The following ABL2 variants were observed in gnomAD, a reference collection of about 807,000 sequenced individuals.
ABL2 encodes ABL proto-oncogene 2, non-receptor tyrosine kinase.
In ABL2, 49 loss-of-function variants were observed where a neutral mutation model predicts 107.7. The ratio of observed to expected loss-of-function variants is 0.45; its 90% CI spans 0.36 to 0.58. ABL2 has a LOEUF of 0.58. ABL2 is among the 20% of genes least tolerant of loss of function. The pLI, the probability that ABL2 is intolerant of heterozygous loss-of-function variation, is 0.00. For missense variants in ABL2, 1,245 were observed against 1,457.0 expected (o/e 0.85, Z 2.37); for synonymous variants, 549 against 548.6 (o/e 1.00, Z -0.01).
rs750414973 is a variant in ABL2, at chr1:179,108,002, G to A, written c.3265C>T (p.Leu1089=). The change falls in exon 12 of 12, where the codon CTG becomes TTG. Residue 1089 remains leucine (L), a synonymous_variant. Coordinates refer to ENST00000502732, the MANE Select transcript of ABL2 (RefSeq NM_007314.4). ...GACAGTAGGTCAGCACATTCCAGCAGGGCCTCTTTGCTGATTTTGTCTGCT... is the reference window on the plus strand; with the variant it reads ...GACAGTAGGTCAGCACATTCCAGCAAGGCCTCTTTGCTGATTTTGTCTGCT... ...ISADKISKEA[L]LECADLLSSA... 2 of 1,614,120 alleles carry A rather than the reference G, an allele frequency of 1.2e-6. No homozygotes were observed. Among genetic ancestry groups the A allele is most frequent in the African/African-American group, 2.7e-5 (2 of 74,940 alleles).
At chr1:179,122,613 T>C (rs1470709559) in intron 4 of ABL2, among the ~76,000 whole-genome samples, 2 of 151,872 alleles carry the variant, frequency 1.3e-5, no homozygotes, top group Non-Finnish European at 2.9e-5. Flanking sequence ...CAAATATATA[T>C]ATACTCAAAT....
Position 179,131,376 on chromosome 1 carries a change from GGGT to G in ABL2, c.323_325del (p.Asp108_Pro109delinsAla). On this transcript the variant is annotated inframe_deletion, in exon 3 of 12. Transcript: ENST00000502732. ...ATCATAAAGTGCAACGAAGAGATTA[GGGT>G]CACTCTCAGTGGCTCCGAGCAAGTT... The G allele has an allele frequency of 6.2e-7, 1 of 1,614,166 alleles. No individual in the cohort carries two copies. Among genetic ancestry groups the G allele is most frequent in the East Asian group, 2.2e-5 (1 of 44,880 alleles).
At chr1:179,205,058 A>G (rs1807916) in intron 1 of ABL2, among the ~76,000 whole-genome samples, 65,022 of 146,580 alleles carry the variant, frequency 0.44, 14,514 homozygotes, top group Admixed American at 0.52. Flanking sequence ...ACTGAGTCTC[A>G]CTCTGTCGCC....
At chr1:179,147,197 A>AT (rs1410114842) in intron 1 of ABL2, among the ~76,000 whole-genome samples, 4 of 150,200 alleles carry the variant, frequency 2.7e-5, no homozygotes, top group African/African-American at 9.8e-5. Flanking sequence ...AAAAAAAAAA[A>AT]AAAAAAAAAA....
chr1:179,101,267 C>T lies in ABL2; in HGVS notation c.*6451G>A, dbSNP rs1225952951. ...TTGAATCATGACCTGCCACAGGCCTCCTTACCTGGGAAGAAGTATGGGATC... is the reference window on the plus strand; with the variant it reads ...TTGAATCATGACCTGCCACAGGCCTTCTTACCTGGGAAGAAGTATGGGATC... On this transcript the variant is annotated 3_prime_UTR_variant, in exon 12 of 12. Transcript: ENST00000502732. 1 of 221,142 alleles carries T rather than the reference C, an allele frequency of 4.5e-6. No individual in the cohort carries two copies. Among genetic ancestry groups the T allele is most frequent in the Non-Finnish European group, 9.0e-6 (1 of 110,562 alleles). 13.7% of individuals were successfully genotyped at this position (221,142 alleles called of 1,614,324 possible).
Position 179,225,434 on chromosome 1 carries a change from C to CACCT in ABL2, c.157+3803_157+3806dup, listed in dbSNP as rs1481507942. ...CAGTAATTTGTACACTAGATTCGAG[C>CACCT]ACCTACATTTACCATGTAAAGGTCA... On this transcript the variant is annotated intron_variant, in intron 1 of 11. Coordinates refer to ENST00000502732, the MANE Select transcript of ABL2 (RefSeq NM_007314.4). Among the ~76,000 whole-genome samples the CACCT allele has an allele frequency of 5.3e-5, 8 of 152,290 alleles. No homozygotes were observed. In the East Asian group the frequency reaches 1.5e-3, roughly 29 times the overall value.
At chr1:179,156,762 C>T (rs1390796399) in intron 1 of ABL2, among the ~76,000 whole-genome samples, 3 of 151,886 alleles carry the variant, frequency 2.0e-5, no homozygotes, top group Non-Finnish European at 2.9e-5. Context: ...CCTGTAGTCC[C>T]GGTCACTTGG....
chr1:179,179,684 T>C (rs1002936866), intron 1 of ABL2, among the ~76,000 whole-genome samples: 2 of 152,150 alleles, frequency 1.3e-5, no homozygotes, highest in Non-Finnish European at 2.9e-5. Context: ...AGAAGCCCTC[T>C]TGAAAGAGGA....
At chr1:179,201,132 C>A (rs1014334379) in intron 1 of ABL2, among the ~76,000 whole-genome samples, 1 of 152,164 alleles carries the variant, frequency 6.6e-6, no homozygotes, top group Non-Finnish European at 1.5e-5. Context: ...TAGATGCCAG[C>A]CAAGGGCCAA....
chr1:179,210,789 G>T (rs1017599561), intron 1 of ABL2, among the ~76,000 whole-genome samples: 5 of 151,940 alleles, frequency 3.3e-5, no homozygotes, highest in African/African-American at 7.2e-5. Flanking sequence ...GAGAGGTGGA[G>T]GTTGCAGTAA....
chr1:179,151,761 C>A (rs1658374402), intron 1 of ABL2, among the ~76,000 whole-genome samples: 1 of 151,918 alleles, frequency 6.6e-6, no homozygotes, highest in African/African-American at 2.4e-5. Flanking sequence ...TCAATTTCTC[C>A]CTAACAAGAG....
chr1:179,158,159 G>A (rs1176557096), intron 1 of ABL2, among the ~76,000 whole-genome samples: 2 of 152,090 alleles, frequency 1.3e-5, no homozygotes, highest in East Asian at 1.9e-4. Flanking sequence ...GACTAGGATT[G>A]GGGACAGGAA....
intron 1 of ABL2, among the ~76,000 whole-genome samples, chr1:179,142,690 T>C (rs536195765): frequency 6.6e-6 from 1 of 152,324 alleles, no homozygotes; most frequent in Non-Finnish European, 1.5e-5. Context: ...TAGCTTAAGT[T>C]CTTCACATCA....
chr1:179,109,786 G>A (rs942348427), intron 11 of ABL2, among the ~76,000 whole-genome samples: 1 of 152,046 alleles, frequency 6.6e-6, no homozygotes, highest in East Asian at 1.9e-4. Flanking sequence ...AAATTAGCTG[G>A]GCATGGTGGC....
intron 1 of ABL2, among the ~76,000 whole-genome samples, chr1:179,176,712 T>TTTTTTTTTTTTTC (rs58726443): frequency 4.7e-5 from 7 of 149,596 alleles, no homozygotes; most frequent in Non-Finnish European, 8.9e-5. Context: ...CTTTTTTTTT[T>TTTTTTTTTTTTTC]CCAGACAGAT....
At chr1:179,169,271 G>A (rs187524842) in intron 1 of ABL2, among the ~76,000 whole-genome samples, 18 of 152,198 alleles carry the variant, frequency 1.2e-4, no homozygotes, top group East Asian at 5.8e-4. Context: ...GAGACTGGCC[G>A]GGTGCGGTGG....
At chr1:179,111,110 A>T (rs1290511833) in intron 10 of ABL2, among the ~76,000 whole-genome samples, 1 of 150,248 alleles carries the variant, frequency 6.7e-6, no homozygotes, top group Non-Finnish European at 1.5e-5. Context: ...CAGCCTCCCA[A>T]ATAGCTGGGA....
chr1:179,209,029 T>G (rs958310488), intron 1 of ABL2, among the ~76,000 whole-genome samples: 16 of 152,210 alleles, frequency 1.1e-4, no homozygotes, highest in Admixed American at 9.2e-4. Context: ...AGTCTTTCTG[T>G]GCTCTAAGAC....
chr1:179,136,916 C>CAAAAAA (rs33980980), intron 1 of ABL2, among the ~76,000 whole-genome samples: 1 of 110,092 alleles, frequency 9.1e-6, no homozygotes, highest in South Asian at 3.2e-4. Flanking sequence ...GACCCTGTCT[C>CAAAAAA]AAAAAAAAAA....
Sources: gnomAD v4.1 joint callset for allele counts (sites outside exome capture counted in the v4.1 genomes callset) on GRCh38, gnomAD v4.1.1 for gene constraint, MANE v1.5 for transcripts, NCBI Gene and HGNC (gene_info 2026-07-23, HGNC 2026-07-21) for gene names.